Variants in TASP1 observed in about 807,000 individuals in gnomAD.
TASP1 encodes threonine aspartase 1.
Under a neutral mutation model 56.6 loss-of-function variants are expected in TASP1, and 16 were observed. The observed-to-expected ratio is 0.28, with a 90% CI of 0.19 to 0.43. The LOEUF (loss-of-function observed/expected upper bound fraction) is 0.43, where lower values mean the gene tolerates loss of function less well. TASP1 is among the 20% of genes least tolerant of loss of function. The pLI, the probability that TASP1 is intolerant of heterozygous loss-of-function variation, is 1.00. For missense variants in TASP1, 393 were observed against 511.6 expected, an observed-to-expected ratio of 0.77 and a Z score of 2.24; for synonymous variants, 179 against 184.2, an observed-to-expected ratio of 0.97 and a Z score of 0.23.
the TASP1 span, among the ~76,000 whole-genome samples, chr20:13,383,659 A>G: frequency 6.6e-6 from 1 of 152,218 alleles, no homozygotes; most frequent in Admixed American, 6.5e-5. Flanking sequence ...AAGATGCTGT[A>G]GAGAGGCTCT....
the TASP1 span, among the ~76,000 whole-genome samples, chr20:13,364,007 T>C: frequency 3.5e-4 from 53 of 152,054 alleles, no homozygotes; most frequent in African/African-American, 1.2e-3. Flanking sequence ...ATATAATAAC[T>C]CACAAAAAAG....
At chr20:13,452,372 C>G (rs1364493092) in intron 11 of TASP1, among the ~76,000 whole-genome samples, 2 of 150,732 alleles carry the variant, frequency 1.3e-5, no homozygotes, top group East Asian at 3.9e-4. Flanking sequence ...AATACCTGCT[C>G]TGTACTCAAT....
the TASP1 span, among the ~76,000 whole-genome samples, chr20:13,139,160 T>A: frequency 6.6e-6 from 1 of 152,204 alleles, no homozygotes; most frequent in South Asian, 2.1e-4. Flanking sequence ...ATCAAGAAAC[T>A]ATGTTTTTGT....
At chr20:13,509,124 A>AGTGTGT (rs71334125) in intron 10 of TASP1, among the ~76,000 whole-genome samples, 8,384 of 142,764 alleles carry the variant, frequency 0.059, 274 homozygotes, top group Admixed American at 0.082. Context: ...GAATGAAGAA[A>AGTGTGT]GTGTGTGTGT....
At chr20:13,536,728 C>A (rs1159908115) in intron 8 of TASP1, among the ~76,000 whole-genome samples, 1 of 152,074 alleles carries the variant, frequency 6.6e-6, no homozygotes, top group East Asian at 1.9e-4. Context: ...ATCAGTCCTA[C>A]CAGATAAGGA....
chr20:13,567,695 C>T (rs2046581881), intron 7 of TASP1, among the ~76,000 whole-genome samples: 1 of 151,886 alleles, frequency 6.6e-6, no homozygotes, highest in Non-Finnish European at 1.5e-5. Flanking sequence ...AGACTGGAAA[C>T]CAGATGATAA....
chr20:13,283,084 A>C, the TASP1 span, among the ~76,000 whole-genome samples: 1 of 152,098 alleles, frequency 6.6e-6, no homozygotes, highest in Non-Finnish European at 1.5e-5. Flanking sequence ...CCTGTTGCCC[A>C]GGCTGGAGTG....
At chr20:13,350,797 T>C in the TASP1 span, among the ~76,000 whole-genome samples, 1 of 151,988 alleles carries the variant, frequency 6.6e-6, no homozygotes, top group Admixed American at 6.6e-5. Flanking sequence ...GCACATGAGA[T>C]TCTCCTGCCT....
At chr20:13,199,934 G>A in the TASP1 span, among the ~76,000 whole-genome samples, 152 of 152,268 alleles carry the variant, frequency 1.0e-3, 2 homozygotes, top group East Asian at 0.025. Context: ...CACTTACGTA[G>A]CTTTATCTAG....
intron 8 of TASP1, among the ~76,000 whole-genome samples, chr20:13,555,696 AT>A (rs1205525560): frequency 6.6e-6 from 1 of 152,156 alleles, no homozygotes; most frequent in Non-Finnish European, 1.5e-5. Context: ...GAATGTTGAT[AT>A]TTTGACTTTC....
At chr20:13,159,881 T>C in the TASP1 span, 1 of 1,319,806 alleles carries the variant, frequency 7.6e-7, no homozygotes, top group Non-Finnish European at 1.0e-6. Context: ...TTCCACTTAT[T>C]ATCATAAAAA....
At chr20:13,154,593 G>A in the TASP1 span, among the ~76,000 whole-genome samples, 2 of 152,136 alleles carry the variant, frequency 1.3e-5, no homozygotes, top group South Asian at 2.1e-4. Context: ...GGAAGCTGAG[G>A]CTGAGAGCAG....
chr20:13,617,876 G>A (rs1171421650), intron 4 of TASP1, among the ~76,000 whole-genome samples: 4 of 152,084 alleles, frequency 2.6e-5, no homozygotes, highest in Non-Finnish European at 5.9e-5. Context: ...ATGCCCATAT[G>A]CCATCAGGAA....
the TASP1 span, among the ~76,000 whole-genome samples, chr20:13,144,457 T>C: frequency 1.3e-5 from 2 of 152,168 alleles, no homozygotes; most frequent in Non-Finnish European, 2.9e-5. Context: ...AACAGATCAG[T>C]AAATTGAGGC....
chr20:13,603,196 A>C (rs1410180591), intron 4 of TASP1, among the ~76,000 whole-genome samples: 1 of 149,618 alleles, frequency 6.7e-6, no homozygotes, highest in African/African-American at 2.5e-5. Context: ...ACACCACTGC[A>C]CTCTAGCCTG....
chr20:13,456,485 G>A (rs1353324603), intron 11 of TASP1, among the ~76,000 whole-genome samples: 1 of 152,066 alleles, frequency 6.6e-6, no homozygotes, highest in Admixed American at 6.6e-5. Flanking sequence ...TGTAAAGGGT[G>A]CCAATTATTC....
intron 8 of TASP1, among the ~76,000 whole-genome samples, chr20:13,535,235 C>T (rs2045370506): frequency 1.3e-5 from 2 of 152,138 alleles, no homozygotes; most frequent in South Asian, 4.1e-4. Flanking sequence ...AGTCAATGAG[C>T]TCCCGGGCCC....
intron 11 of TASP1, among the ~76,000 whole-genome samples, chr20:13,482,778 C>G (rs767015025): frequency 7.2e-5 from 11 of 152,066 alleles, no homozygotes; most frequent in Non-Finnish European, 1.5e-4. Flanking sequence ...CATTCAACAA[C>G]AGTAATTGTT....
intron 5 of TASP1, among the ~76,000 whole-genome samples, chr20:13,582,842 T>C (rs980254388): frequency 1.3e-5 from 2 of 152,192 alleles, no homozygotes; most frequent in South Asian, 2.1e-4. Context: ...AAAATGGATA[T>C]GGGCCCTCTA....
Sources: gnomAD v4.1 joint callset for allele counts (sites outside exome capture counted in the v4.1 genomes callset) on GRCh38, gnomAD v4.1.1 for gene constraint, MANE v1.5 for transcripts, NCBI Gene and HGNC (gene_info 2026-07-23, HGNC 2026-07-21) for gene names.